ENPP3: variants seen among roughly 807,000 people sequenced by gnomAD.
The protein encoded by ENPP3 is ectonucleotide pyrophosphatase/phosphodiesterase family member 3.
In ENPP3, 104 loss-of-function variants were observed where a neutral mutation model predicts 117.8. That is an observed-to-expected ratio of 0.88 (90% CI 0.75 to 1.04). The LOEUF is 1.04. Ranked by LOEUF, ENPP3 falls within the 50% of genes least tolerant of loss-of-function variation. The probability of loss-of-function intolerance (pLI) is 0.00; values close to 1 mark genes in which losing one functional copy is unlikely to be tolerated. For missense variants in ENPP3, 1,026 were observed against 1,051.9 expected, an observed-to-expected ratio of 0.98 and a Z score of 0.34; for synonymous variants, 380 against 349.9, an observed-to-expected ratio of 1.09 and a Z score of -0.96.
chr6:131,695,161 A>G (rs1186952578), intron 15 of ENPP3, among the ~76,000 whole-genome samples: 2 of 152,136 alleles, frequency 1.3e-5, no homozygotes, highest in African/African-American at 4.8e-5. Flanking sequence ...AGCTCTACTA[A>G]TATTAAGTAC....
Position 131,672,536 on chromosome 6 carries a change from A to G in ENPP3, c.642+1209A>G, listed in dbSNP as rs149021013. Among the ~76,000 whole-genome samples the G allele has an allele frequency of 7.4e-4, 113 of 152,232 alleles. No homozygotes were observed. The Middle Eastern group carries it at 0.01, about 14-fold the overall frequency. On this transcript the variant is annotated intron_variant, in intron 7 of 24. Coordinates refer to ENST00000357639, the MANE Select transcript of ENPP3 (RefSeq NM_005021.5). ...GTTATGTGTTGATCAGAAGACAAAA[A>G]TGTCGTAATCAGAGGCTCTCAGGAA...
intron 14 of ENPP3, among the ~76,000 whole-genome samples, chr6:131,689,214 A>G (rs1434102452): frequency 6.6e-6 from 1 of 152,242 alleles, no homozygotes; most frequent in Non-Finnish European, 1.5e-5. Flanking sequence ...ACACTAAGCA[A>G]CATATTTTCA....
At chr6:131,664,063 GT>G (rs2114353474) in intron 6 of ENPP3, among the ~76,000 whole-genome samples, 1 of 152,264 alleles carries the variant, frequency 6.6e-6, no homozygotes, top group Non-Finnish European at 1.5e-5. Context: ...TTATTTTAGA[GT>G]GTACTACTAC....
rs539913069 is a variant in ENPP3 at position 131,728,805 on chromosome 6, T to C, written c.1953+2605T>C. Reference sequence around the variant, plus strand: ...AAGAGTTCTGGGGAAGTAGTTGTGATTTGAAATCATGGTCGTAGAACAGCT... The same window carrying C: ...AAGAGTTCTGGGGAAGTAGTTGTGACTTGAAATCATGGTCGTAGAACAGCT... On this transcript the variant is annotated intron_variant, in intron 20 of 24. Coordinates refer to ENST00000357639, the MANE Select transcript of ENPP3 (RefSeq NM_005021.5). Among the ~76,000 whole-genome samples the C allele has an allele frequency of 4.6e-5, 7 of 152,314 alleles. No individual in the cohort carries two copies. The South Asian group carries it at 1.2e-3, about 27-fold the overall frequency.
intron 2 of ENPP3, among the ~76,000 whole-genome samples, 194 bp downstream of exon 2, chr6:131,641,724 G>A (rs1778045500): frequency 6.7e-6 from 1 of 149,628 alleles, no homozygotes; most frequent in Non-Finnish European, 1.5e-5. Flanking sequence ...GTACTTTCTG[G>A]ACTTTACTTT....
chr6:131,734,937 A>C (rs900833451), intron 21 of ENPP3, among the ~76,000 whole-genome samples: 1 of 152,034 alleles, frequency 6.6e-6, no homozygotes. Context: ...TTATTAATAA[A>C]ATATTTGAAA....
chr6:131,724,979 C>T (rs1476998414), intron 19 of ENPP3, among the ~76,000 whole-genome samples: 1 of 148,708 alleles, frequency 6.7e-6, no homozygotes, highest in Non-Finnish European at 1.5e-5. Context: ...GAGGCTGAGG[C>T]AGACAGATCA....
rs1183516159 is a variant in ENPP3, at chr6:131,706,023, ATTATTTTATT to A, written c.1412+12412_1412+12421del. Among the ~76,000 whole-genome samples the A allele has an allele frequency of 1.5e-5, 2 of 133,566 alleles. 1 individual carries two copies. The allele number at this position is 133,566 out of a possible 152,430, so 87.6% of individuals were successfully genotyped here. On this transcript the variant is annotated intron_variant, in intron 15 of 24. Transcript: ENST00000357639. Reference sequence around the variant, plus strand: ...ACTACACTCTACTAAACTTTTTGTCATTATTTTATTTTATTTTATTTTGGAGGTGGAGTCT... The same window carrying A: ...ACTACACTCTACTAAACTTTTTGTCATTATTTTATTTTGGAGGTGGAGTCT...
At chr6:131,652,443 A>C (rs1778282550) in intron 3 of ENPP3, 99 bp from the exon 4 acceptor site, 1 of 1,239,850 alleles carries the variant, frequency 8.1e-7, no homozygotes, top group African/African-American at 1.5e-5. Context: ...TAAACCAAGA[A>C]TTTGATTGTG....
chr6:131,728,859 C>T (rs1473391069), intron 20 of ENPP3, among the ~76,000 whole-genome samples: 2 of 152,220 alleles, frequency 1.3e-5, no homozygotes, highest in East Asian at 3.9e-4. Flanking sequence ...TTAGTCAGAC[C>T]ATACATAGAT....
intron 5 of ENPP3, among the ~76,000 whole-genome samples, chr6:131,653,610 C>T (rs1210950809): frequency 6.6e-6 from 1 of 152,076 alleles, no homozygotes; most frequent in Non-Finnish European, 1.5e-5. Context: ...AAGATAGGGT[C>T]TCGCAATGTT....
At chr6:131,671,195 C>T in intron 6 of ENPP3, 53 bp from the exon 7 acceptor site, 2 of 1,014,678 alleles carry the variant, frequency 2.0e-6, no homozygotes, top group Non-Finnish European at 3.1e-6. Context: ...TTTAGTTATC[C>T]AAAAAACTGA....
At chr6:131,742,767 T>G (rs1180278735) in intron 24 of ENPP3, among the ~76,000 whole-genome samples, 2 of 152,202 alleles carry the variant, frequency 1.3e-5, no homozygotes, top group Non-Finnish European at 2.9e-5. Context: ...GCTTACCTCA[T>G]CACTGTTGCC....
intron 6 of ENPP3, among the ~76,000 whole-genome samples, chr6:131,669,020 T>C (rs1465161825): frequency 6.6e-6 from 1 of 152,170 alleles, no homozygotes; most frequent in African/African-American, 2.4e-5. Context: ...ACAATACCGG[T>C]AGCTTAATTT....
chr6:131,696,702 C>G (rs543689369), intron 15 of ENPP3, among the ~76,000 whole-genome samples: 76 of 151,486 alleles, frequency 5.0e-4, no homozygotes, highest in Non-Finnish European at 9.0e-4. Flanking sequence ...CTTGCCAAGC[C>G]TTGAACACTG....
chr6:131,690,710 T>C lies in ENPP3; in HGVS notation c.1285-2787T>C, dbSNP rs147084050. Reference sequence around the variant, plus strand: ...GTGGTTAATATAATCTGGGACCCACTGCAAGTTTCAAGTAGAATGCCCATT... The same window carrying C: ...GTGGTTAATATAATCTGGGACCCACCGCAAGTTTCAAGTAGAATGCCCATT... On this transcript the variant is annotated intron_variant, in intron 14 of 24. Transcript: ENST00000357639. Among the ~76,000 whole-genome samples, 4 of 152,078 alleles carry C rather than the reference T, an allele frequency of 2.6e-5. No individual in the cohort carries two copies. In the East Asian group the frequency reaches 7.7e-4, roughly 29 times the overall value.
At position 131,676,481 on chromosome 6, in the gene ENPP3, CTTTTA is replaced by C. The variant is rs973666116; in HGVS notation, c.873-249_873-245del. On this transcript the variant is annotated intron_variant, in intron 9 of 24. Transcript: ENST00000357639. ...GAATGAATGGATCATAATCAATTGT[CTTTTA>C]TTTTAGTTAGGAGAAACTGAAAGAG... is the stretch of plus-strand genomic sequence containing the variant. Among the ~76,000 whole-genome samples, 5 of 152,054 alleles carry C rather than the reference CTTTTA, an allele frequency of 3.3e-5. No homozygotes were observed. In the East Asian group the frequency reaches 7.7e-4, roughly 23 times the overall value.
intron 11 of ENPP3, among the ~76,000 whole-genome samples, chr6:131,681,986 G>A (rs540833534): frequency 6.6e-6 from 1 of 151,962 alleles, no homozygotes; most frequent in East Asian, 2.0e-4. Flanking sequence ...GTGCCTGCCA[G>A]CACGCCCAAC....
At position 131,675,159 on chromosome 6, in the gene ENPP3, C is replaced by A; in HGVS notation, c.842C>A (p.Ser281Tyr). 6.2e-7 allele frequency: 1 copy of A among 1,611,870 alleles called. No homozygotes were observed. Among genetic ancestry groups the A allele is most frequent in the Non-Finnish European group, 8.5e-7 (1 of 1,178,056 alleles). ...GGATCAGAAGTGGCTATAAATGGCTCCTTTCCTTCCATATACATGCCTTAC... is the reference window on the plus strand; with the variant it reads ...GGATCAGAAGTGGCTATAAATGGCTACTTTCCTTCCATATACATGCCTTAC... Reference protein sequence around the residue: ...WPGSEVAINGSFPSIYMPYNG... With the variant: ...WPGSEVAINGYFPSIYMPYNG... The change falls in exon 9 of 25, where the codon TCC becomes TAC. Residue 281 changes from serine (S) to tyrosine (Y), a missense_variant. Coordinates refer to ENST00000357639, the MANE Select transcript of ENPP3 (RefSeq NM_005021.5).
Sources: allele counts gnomAD v4.1 joint callset (sites outside exome capture counted in the v4.1 genomes callset), GRCh38; gene constraint gnomAD v4.1.1; transcripts MANE v1.5; gene names NCBI Gene and HGNC (gene_info 2026-07-23, HGNC 2026-07-21).